RHEB: variants seen among roughly 807,000 people sequenced by gnomAD.
The protein encoded by RHEB is Ras homolog, mTORC1 binding.
Under a neutral mutation model 28.8 loss-of-function variants are expected in RHEB, and 2 were observed. That is an observed-to-expected ratio of 0.07 (90% CI 0.03 to 0.22). RHEB has a LOEUF of 0.22. Among genes scored for constraint, RHEB ranks in the 10% least tolerant of loss-of-function variants. The pLI is 1.00. For synonymous variants in RHEB, 69 were observed against 77.3 expected (o/e 0.89, Z 0.56); for missense variants, 76 against 219.9 (o/e 0.35, Z 4.14).
chr7:151,485,933 T>C (rs1802466391), intron 2 of RHEB, among the ~76,000 whole-genome samples: 1 of 152,218 alleles, frequency 6.6e-6, no homozygotes, highest in African/African-American at 2.4e-5. Context: ...CTTGTACCTG[T>C]TCCGGAAGTT....
At chr7:151,512,654 C>T (rs1563102386) in intron 1 of RHEB, among the ~76,000 whole-genome samples, 1 of 152,158 alleles carries the variant, frequency 6.6e-6, no homozygotes, top group Non-Finnish European at 1.5e-5. Context: ...AGGGCCTCTC[C>T]TAGGAGGCTC....
rs1390969189 is a variant in RHEB, at chr7:151,491,018, T to C, written c.53-4A>G. ...TGAATCGTCAATGAGGATTTCCCTA[T>C]AAAAGAGAACAAGAGCTTAGTGTGT... On this transcript the variant is annotated splice_polypyrimidine_tract_variant and splice_region_variant and intron_variant, in intron 1 of 7. Coordinates refer to ENST00000262187, the MANE Select transcript of RHEB (RefSeq NM_005614.4). The C allele has an allele frequency of 1.9e-6, 3 of 1,609,678 alleles. No individual in the cohort carries two copies. The highest frequency in any genetic ancestry group is 1.7e-5 in the Admixed American group (1 of 59,978).
chr7:151,504,456 C>T (rs1259264109), intron 1 of RHEB, among the ~76,000 whole-genome samples: 3 of 152,106 alleles, frequency 2.0e-5, no homozygotes, highest in Admixed American at 6.5e-5. Context: ...TATGAAAAGT[C>T]GGCCCTCCAT....
chr7:151,498,180 C>T lies in RHEB; in HGVS notation c.53-7166G>A, dbSNP rs539678391. 1.6e-4 allele frequency: 202 copies of T among 1,288,644 alleles called. 1 individual carries two copies. In the South Asian group the frequency reaches 2.3e-3, roughly 15 times the overall value. 79.8% of individuals were successfully genotyped at this position (1,288,644 alleles called of 1,614,324 possible). A position where few individuals can be genotyped will look rare whatever the true frequency, so the allele number is the denominator to read the frequency against. Reference sequence around the variant, plus strand: ...GGTGCGTAGGTCCTGGCTTGAGGAACCTTCAAGGAAAAGGTCAGGTAAATA... The same window carrying T: ...GGTGCGTAGGTCCTGGCTTGAGGAATCTTCAAGGAAAAGGTCAGGTAAATA... On this transcript the variant is annotated intron_variant, in intron 1 of 7. Transcript: ENST00000262187.
Position 151,490,928 on chromosome 7 carries a change from G to T in RHEB, c.124+15C>A. 2.5e-6 allele frequency: 4 copies of T among 1,594,474 alleles called. No individual in the cohort carries two copies. The highest frequency in any genetic ancestry group is 3.4e-6 in the Non-Finnish European group (4 of 1,162,144). Reference sequence around the variant, plus strand: ...AAGGCTTCTCAGTTTTTAAGTACTTGAAAACAATACTTACTGTTTTCTATG... The same window carrying T: ...AAGGCTTCTCAGTTTTTAAGTACTTTAAAACAATACTTACTGTTTTCTATG... On this transcript the variant is annotated intron_variant, in intron 2 of 7. Coordinates refer to ENST00000262187, the MANE Select transcript of RHEB (RefSeq NM_005614.4).
At chr7:151,477,285 G>T in intron 4 of RHEB, 48 bp downstream of exon 4, 2 of 1,053,126 alleles carry the variant, frequency 1.9e-6, no homozygotes, top group Non-Finnish European at 3.0e-6. Flanking sequence ...AAGGATCAAT[G>T]TTATCTATGA....
intron 1 of RHEB, among the ~76,000 whole-genome samples, chr7:151,515,876 A>G (rs1803067849): frequency 6.6e-6 from 1 of 152,200 alleles, no homozygotes; most frequent in Non-Finnish European, 1.5e-5. Flanking sequence ...GATCTTTCAC[A>G]TGCCTGTGAT....
intron 2 of RHEB, among the ~76,000 whole-genome samples, chr7:151,486,102 G>A (rs1802469720): frequency 6.6e-6 from 1 of 152,204 alleles, no homozygotes; most frequent in African/African-American, 2.4e-5. Flanking sequence ...CTGCACCGCT[G>A]GAGGTTTCAG....
chr7:151,470,802 AAC>A (rs1365339945), intron 6 of RHEB, 150 bp from the exon 7 acceptor site: 1 of 591,522 alleles, frequency 1.7e-6, no homozygotes, highest in Admixed American at 3.0e-5. Context: ...TCAAGAATGT[AAC>A]ACAGGAGTGT....
Position 151,472,253 on chromosome 7 carries a change from C to T in RHEB, c.276-648G>A, listed in dbSNP as rs1245858508. On this transcript the variant is annotated intron_variant, in intron 4 of 7. Transcript: ENST00000262187. This position sits in a 1 kb window ranked among gnomAD's most constrained non-coding sequence, Gnocchi z 5.2. ...TCTACTTTCAAATCCTACCTAGAAT[C>T]TGACGGCTTCTCACTCCCCTCCACT... is the stretch of plus-strand genomic sequence containing the variant. Among the ~76,000 whole-genome samples, 3 of 152,238 alleles carry T rather than the reference C, an allele frequency of 2.0e-5. No individual in the cohort carries two copies. Among genetic ancestry groups the T allele is most frequent in the African/African-American group, 7.2e-5 (3 of 41,464 alleles).
intron 1 of RHEB, chr7:151,502,513 C>T: frequency 1.0e-6 from 1 of 961,218 alleles, no homozygotes; most frequent in Non-Finnish European, 1.7e-6. Flanking sequence ...AAAAGAAAGT[C>T]AACGTTGACT....
At chr7:151,492,567 AG>A (rs75999916) in intron 1 of RHEB, among the ~76,000 whole-genome samples, 58,928 of 150,556 alleles carry the variant, frequency 0.39, 13,883 homozygotes, top group South Asian at 0.6. Flanking sequence ...CAGTGAGCTG[AG>A]ATGGCGCCAC....
chr7:151,485,859 C>T (rs1802464628), intron 2 of RHEB, among the ~76,000 whole-genome samples: 1 of 151,984 alleles, frequency 6.6e-6, no homozygotes, highest in Non-Finnish European at 1.5e-5. Flanking sequence ...AGCAGGGGGG[C>T]CAAAAGTCAG....
At chr7:151,508,722 C>T (rs1436722175) in intron 1 of RHEB, among the ~76,000 whole-genome samples, 1 of 151,150 alleles carries the variant, frequency 6.6e-6, no homozygotes, top group East Asian at 1.9e-4. Flanking sequence ...AGCTCCTGAG[C>T]TCAAGTGGTC....
At chr7:151,488,166 ATTGAG>A (rs1211025368) in intron 2 of RHEB, among the ~76,000 whole-genome samples, 2 of 152,258 alleles carry the variant, frequency 1.3e-5, no homozygotes, top group Non-Finnish European at 2.9e-5. Context: ...TTTAGTTTGT[ATTGAG>A]TTGTTAGATT....
At chr7:151,504,168 T>C (rs556287915) in intron 1 of RHEB, among the ~76,000 whole-genome samples, 16 of 152,326 alleles carry the variant, frequency 1.1e-4, no homozygotes, top group South Asian at 2.1e-4. Context: ...GCTGACACAT[T>C]TGTGCCCAGC....
intron 2 of RHEB, among the ~76,000 whole-genome samples, chr7:151,486,689 C>T (rs1388031527): frequency 6.6e-6 from 1 of 152,136 alleles, no homozygotes; most frequent in African/African-American, 2.4e-5. Context: ...CAAAAATGGT[C>T]CCAGGGATAT....
intron 1 of RHEB, among the ~76,000 whole-genome samples, chr7:151,511,830 T>C (rs989621285): frequency 5.9e-5 from 9 of 152,144 alleles, no homozygotes; most frequent in East Asian, 1.9e-4. Context: ...TTTGTATTTT[T>C]AGTAGAGACA....
At chr7:151,477,099 G>C (rs570554027) in intron 4 of RHEB, among the ~76,000 whole-genome samples, 1 of 152,038 alleles carries the variant, frequency 6.6e-6, no homozygotes, top group Non-Finnish European at 1.5e-5. Context: ...CTGAACCACT[G>C]TTTTTCTAGG....
Sources: allele counts gnomAD v4.1 joint callset (sites outside exome capture counted in the v4.1 genomes callset), GRCh38; gene constraint gnomAD v4.1.1; non-coding constraint Gnocchi (gnomAD v3.1); transcripts MANE v1.5; gene names NCBI Gene and HGNC (gene_info 2026-07-23, HGNC 2026-07-21).